Variants in TAFA1 observed in about 807,000 individuals in gnomAD.
The protein encoded by TAFA1 is TAFA chemokine like family member 1, also known as chemokine-like protein TAFA-1.
A neutral mutation model predicts 18.5 loss-of-function variants in TAFA1; 4 were observed. That is an observed-to-expected ratio of 0.22 (90% CI 0.11 to 0.49). The LOEUF is 0.49. Ranked by LOEUF, TAFA1 falls within the 20% of genes least tolerant of loss-of-function variation. TAFA1 has a pLI of 0.98. For synonymous variants in TAFA1, 56 were observed against 55.2 expected (o/e 1.01, Z -0.06); for missense variants, 147 against 169.0 (o/e 0.87, Z 0.72).
chr3:68,054,607 C>G (rs58063220), intron 2 of TAFA1, among the ~76,000 whole-genome samples: 3,479 of 152,262 alleles, frequency 0.023, 46 homozygotes, highest in Middle Eastern at 0.037. Context: ...TTTCTTGAGA[C>G]ACAGGTACAC....
intron 2 of TAFA1, 55 bp downstream of exon 2, chr3:68,006,799 T>A: frequency 8.1e-7 from 1 of 1,236,356 alleles, no homozygotes. Context: ...ACTATTTCCT[T>A]AACAGATGGT....
chr3:68,240,784 T>C (rs978389066), intron 2 of TAFA1, among the ~76,000 whole-genome samples: 3 of 152,182 alleles, frequency 2.0e-5, no homozygotes, highest in African/African-American at 7.2e-5. Context: ...CAAAGTCTTT[T>C]CAAAAGAACT....
chr3:68,330,802 G>A (rs73836902), intron 2 of TAFA1, among the ~76,000 whole-genome samples: 1 of 152,218 alleles, frequency 6.6e-6, no homozygotes, highest in Non-Finnish European at 1.5e-5. Context: ...CTGAAAGACT[G>A]CCTTAATGGT....
chr3:68,395,210 G>A (rs781286133), intron 2 of TAFA1, among the ~76,000 whole-genome samples: 7 of 152,044 alleles, frequency 4.6e-5, no homozygotes, highest in African/African-American at 9.7e-5. Flanking sequence ...ATCACTGGTC[G>A]TTAGAGAATT....
At chr3:68,141,569 C>T (rs996868465) in intron 2 of TAFA1, among the ~76,000 whole-genome samples, 1 of 152,188 alleles carries the variant, frequency 6.6e-6, no homozygotes, top group African/African-American at 2.4e-5. Context: ...AGACACATGA[C>T]CTAGGCCTGA....
At chr3:68,370,417 T>TACACACACAC (rs36170007) in intron 2 of TAFA1, among the ~76,000 whole-genome samples, 3 of 80,260 alleles carry the variant, frequency 3.7e-5, no homozygotes, top group African/African-American at 1.5e-4. Context: ...CATATATATG[T>TACACACACAC]ACACACACAC....
At chr3:68,308,875 T>C (rs141145388) in intron 2 of TAFA1, among the ~76,000 whole-genome samples, 7 of 152,244 alleles carry the variant, frequency 4.6e-5, no homozygotes, top group African/African-American at 1.7e-4. Context: ...AATAGTATCT[T>C]AATTTAATAT....
chr3:68,117,121 T>C (rs987407608), intron 2 of TAFA1, among the ~76,000 whole-genome samples: 11 of 152,302 alleles, frequency 7.2e-5, no homozygotes, highest in African/African-American at 2.6e-4. Flanking sequence ...TCTTTTTCCA[T>C]GTTAGCCTTA....
At chr3:68,170,064 A>G (rs1280171172) in intron 2 of TAFA1, among the ~76,000 whole-genome samples, 1 of 152,218 alleles carries the variant, frequency 6.6e-6, no homozygotes, top group East Asian at 1.9e-4. Context: ...AAGGGCTTAT[A>G]ACAGTCTAAG....
intron 2 of TAFA1, among the ~76,000 whole-genome samples, chr3:68,288,815 T>C (rs936738908): frequency 2.0e-5 from 3 of 152,328 alleles, no homozygotes; most frequent in African/African-American, 7.2e-5. Flanking sequence ...TATATAATCA[T>C]GCAATTCTTA....
rs111735057 is a variant in TAFA1, at chr3:68,415,781, C to T, written c.119-1499C>T. Among the ~76,000 whole-genome samples the T allele has an allele frequency of 2.6e-5, 4 of 152,182 alleles. 1 individual carries two copies. The highest frequency in any genetic ancestry group is 9.6e-5 in the African/African-American group (4 of 41,532). On this transcript the variant is annotated intron_variant, in intron 2 of 4. Coordinates refer to ENST00000478136, the MANE Select transcript of TAFA1 (RefSeq NM_213609.4). ...GTGATACAGGTGTTATTATTATTCC[C>T]ATTTTACAGATGAGGAAACTAAGGC...
intron 2 of TAFA1, among the ~76,000 whole-genome samples, chr3:68,190,353 A>G (rs977483581): frequency 1.3e-5 from 2 of 151,904 alleles, no homozygotes; most frequent in Admixed American, 6.6e-5. Context: ...GTCACTGGGA[A>G]CACATTTTTA....
At chr3:68,456,043 A>T (rs1196006120) in intron 3 of TAFA1, among the ~76,000 whole-genome samples, 1 of 152,182 alleles carries the variant, frequency 6.6e-6, no homozygotes, top group Non-Finnish European at 1.5e-5. Flanking sequence ...CTGGGTAGCC[A>T]GGAGCATTGT....
Position 68,366,101 on chromosome 3 carries a change from A to AAG in TAFA1, c.119-51178_119-51177insGA, listed in dbSNP as rs1553682045. Reference sequence around the variant, plus strand: ...ACTCCATCTCAAAAAAAAAAAAAAAAAAAGAAACCATCAGATCTCGTGAGA... The same window carrying AAG: ...ACTCCATCTCAAAAAAAAAAAAAAAAAGAAAGAAACCATCAGATCTCGTGAGA... On this transcript the variant is annotated intron_variant, in intron 2 of 4. Transcript: ENST00000478136. 4.8e-4 allele frequency among the ~76,000 whole-genome samples: 73 copies of AAG among 151,006 alleles called. No homozygotes were observed. The East Asian group carries it at 0.011, about 23-fold the overall frequency.
chr3:68,181,395 A>T (rs1487200880), intron 2 of TAFA1, among the ~76,000 whole-genome samples: 1 of 151,660 alleles, frequency 6.6e-6, no homozygotes, highest in Non-Finnish European at 1.5e-5. Flanking sequence ...AAAAAAAAAA[A>T]CTTCCTTAGA....
At chr3:68,323,696 A>C (rs1361423364) in intron 2 of TAFA1, among the ~76,000 whole-genome samples, 1 of 152,210 alleles carries the variant, frequency 6.6e-6, no homozygotes, top group Non-Finnish European at 1.5e-5. Flanking sequence ...TTAACCTGTG[A>C]GATTCATTAG....
intron 2 of TAFA1, among the ~76,000 whole-genome samples, chr3:68,272,936 T>C (rs2313272): frequency 0.016 from 2,387 of 152,256 alleles, 66 homozygotes; most frequent in African/African-American, 0.055. Context: ...TCTTTTATTC[T>C]ACATGAATGA....
chr3:68,390,764 C>G (rs1275015855), intron 2 of TAFA1, among the ~76,000 whole-genome samples: 6 of 152,214 alleles, frequency 3.9e-5, no homozygotes, highest in Non-Finnish European at 8.8e-5. Flanking sequence ...GAAGAGGGAT[C>G]TGACTGACTG....
intron 3 of TAFA1, among the ~76,000 whole-genome samples, chr3:68,454,421 C>T (rs545098670): frequency 1.1e-4 from 17 of 152,282 alleles, no homozygotes; most frequent in African/African-American, 4.1e-4. Flanking sequence ...CTATCTGAAA[C>T]AGCCTTGTAC....
Sources: allele counts gnomAD v4.1 joint callset (sites outside exome capture counted in the v4.1 genomes callset), GRCh38; gene constraint gnomAD v4.1.1; transcripts MANE v1.5; gene names NCBI Gene and HGNC (gene_info 2026-07-23, HGNC 2026-07-21).